LSAMP: variants seen among roughly 807,000 people sequenced by gnomAD.
LSAMP encodes limbic system associated membrane protein.
A neutral mutation model predicts 38.6 loss-of-function variants in LSAMP; 7 were observed. That is an observed-to-expected ratio of 0.18 (90% CI 0.10 to 0.34). The LOEUF is 0.34. Ranked by LOEUF, LSAMP falls within the 10% of genes least tolerant of loss-of-function variation. The pLI is 1.00. For synonymous variants in LSAMP, 154 were observed against 166.8 expected (o/e 0.92, Z 0.59); for missense variants, 313 against 420.0 (o/e 0.75, Z 2.23).
chr3:116,437,635 G>A (rs1392049102), intron 1 of LSAMP, among the ~76,000 whole-genome samples: 1 of 151,644 alleles, frequency 6.6e-6, no homozygotes, highest in Non-Finnish European at 1.5e-5. Flanking sequence ...GAGAAGGCAA[G>A]AGGGAAGAAT....
chr3:116,113,399 C>G (rs1708661286), intron 1 of LSAMP, among the ~76,000 whole-genome samples: 1 of 96,768 alleles, frequency 1.0e-5, no homozygotes, highest in African/African-American at 4.0e-5. Context: ...ATATGTTTGC[C>G]CTATATATAT....
intron 1 of LSAMP, among the ~76,000 whole-genome samples, chr3:116,383,572 C>G (rs1390297385): frequency 6.6e-6 from 1 of 151,710 alleles, no homozygotes; most frequent in Admixed American, 6.6e-5. Flanking sequence ...CCAGTATCCT[C>G]GTCATTACTT....
chr3:116,415,925 A>G (rs2049043593), intron 1 of LSAMP, among the ~76,000 whole-genome samples: 2 of 152,098 alleles, frequency 1.3e-5, no homozygotes, highest in African/African-American at 4.8e-5. Context: ...TACTCCATAA[A>G]TTGTATACAT....
In LSAMP at chr3:115,910,150, A is replaced by C. The variant is rs564205743; in HGVS notation, c.515-57533T>G. ...GTGGAAGCAGAATATCAGAAAAATT[A>C]AGCAAAGTGTTTAAAGTCCCATAGC... On this transcript the variant is annotated intron_variant, in intron 3 of 6. Coordinates refer to ENST00000490035, the MANE Select transcript of LSAMP (RefSeq NM_002338.5). Among the ~76,000 whole-genome samples, 46 of 152,300 alleles carry C rather than the reference A, an allele frequency of 3.0e-4. 1 individual carries two copies. In the South Asian group the frequency reaches 9.3e-3, roughly 31 times the overall value.
intron 1 of LSAMP, among the ~76,000 whole-genome samples, chr3:116,292,698 T>G (rs1016264832): frequency 6.6e-6 from 1 of 152,172 alleles, no homozygotes; most frequent in Non-Finnish European, 1.5e-5. Context: ...GTATCAAAAT[T>G]AACACTAAAA....
At chr3:116,032,606 G>C (rs1056240286) in intron 2 of LSAMP, among the ~76,000 whole-genome samples, 22 of 151,982 alleles carry the variant, frequency 1.4e-4, no homozygotes, top group Admixed American at 6.6e-5. Context: ...GACAAGCCTG[G>C]GCAACATGGC....
chr3:116,383,979 C>T (rs1164057616), intron 1 of LSAMP, among the ~76,000 whole-genome samples: 1 of 152,120 alleles, frequency 6.6e-6, no homozygotes, highest in Non-Finnish European at 1.5e-5. Context: ...TACTTTCCTC[C>T]TTCAGCTGAG....
At chr3:116,260,694 C>T (rs140486376) in intron 1 of LSAMP, among the ~76,000 whole-genome samples, 1 of 152,152 alleles carries the variant, frequency 6.6e-6, no homozygotes, top group South Asian at 2.1e-4. Context: ...AGCATAACTT[C>T]CAGGTTTCTA....
At chr3:115,930,445 T>C (rs1937563413) in intron 3 of LSAMP, among the ~76,000 whole-genome samples, 1 of 152,120 alleles carries the variant, frequency 6.6e-6, no homozygotes. Context: ...GCTAATTTGC[T>C]ACTAGGGAAA....
chr3:115,976,778 C>T (rs1473046118), intron 3 of LSAMP, among the ~76,000 whole-genome samples: 1 of 152,114 alleles, frequency 6.6e-6, no homozygotes, highest in Non-Finnish European at 1.5e-5. Context: ...GCGGCCCCTC[C>T]CTCTTAACTC....
intron 1 of LSAMP, among the ~76,000 whole-genome samples, chr3:116,112,493 T>G (rs1708638104): frequency 6.6e-6 from 1 of 152,196 alleles, no homozygotes; most frequent in South Asian, 2.1e-4. Context: ...TTAGTATCAC[T>G]CACAATCTGA....
intron 1 of LSAMP, among the ~76,000 whole-genome samples, chr3:116,305,505 C>T (rs1462967407): frequency 6.6e-6 from 1 of 151,730 alleles, no homozygotes. Context: ...AATCCTTCAT[C>T]TCCTTCAAAT....
At chr3:115,892,835 A>G (rs867346788) in intron 3 of LSAMP, among the ~76,000 whole-genome samples, 2 of 148,564 alleles carry the variant, frequency 1.3e-5, no homozygotes, top group African/African-American at 4.9e-5. Flanking sequence ...CAATTATATT[A>G]TATATATAAT....
intron 1 of LSAMP, among the ~76,000 whole-genome samples, chr3:116,264,500 A>C (rs2107662187): frequency 6.6e-6 from 1 of 152,274 alleles, no homozygotes; most frequent in East Asian, 1.9e-4. Flanking sequence ...TGGGCGCTTA[A>C]GGGGCATTGT....
intron 6 of LSAMP, among the ~76,000 whole-genome samples, chr3:115,818,631 T>C (rs1426034715): frequency 6.6e-6 from 1 of 150,886 alleles, no homozygotes; most frequent in African/African-American, 2.4e-5. Context: ...GTTGTCAGTT[T>C]TGTGGTAAAA....
intron 1 of LSAMP, among the ~76,000 whole-genome samples, chr3:116,172,745 C>G (rs62269191): frequency 0.093 from 14,165 of 151,866 alleles, 928 homozygotes; most frequent in African/African-American, 0.19. Context: ...ATTCTTCTCT[C>G]AAGAAGGACT....
At chr3:116,350,654 C>T (rs2048126508) in intron 1 of LSAMP, among the ~76,000 whole-genome samples, 1 of 151,414 alleles carries the variant, frequency 6.6e-6, no homozygotes, top group South Asian at 2.1e-4. Flanking sequence ...ATAATGGCCC[C>T]AAGGCACATA....
intron 2 of LSAMP, among the ~76,000 whole-genome samples, chr3:116,021,758 A>T (rs1940644034): frequency 6.6e-6 from 1 of 152,084 alleles, no homozygotes; most frequent in African/African-American, 2.4e-5. Flanking sequence ...AACTAAAAAA[A>T]AATCCCAGAG....
intron 1 of LSAMP, among the ~76,000 whole-genome samples, chr3:116,125,159 C>T (rs1291506299): frequency 6.6e-6 from 1 of 152,124 alleles, no homozygotes; most frequent in Admixed American, 6.5e-5. Context: ...GGGAACAAGA[C>T]AGTGACAAAT....
Sources: gnomAD v4.1 joint callset for allele counts (sites outside exome capture counted in the v4.1 genomes callset) on GRCh38, gnomAD v4.1.1 for gene constraint, MANE v1.5 for transcripts, NCBI Gene and HGNC (gene_info 2026-07-23, HGNC 2026-07-21) for gene names.